Variants in TMEM161B observed in about 807,000 individuals in gnomAD.
The protein encoded by TMEM161B is transmembrane protein 161B.
In TMEM161B, 34 loss-of-function variants were observed where a neutral mutation model predicts 61.8. The ratio of observed to expected loss-of-function variants is 0.55; its 90% CI spans 0.42 to 0.73. The LOEUF is 0.73. TMEM161B is among the 30% of genes least tolerant of loss of function. TMEM161B has a pLI of 0.00. For missense variants in TMEM161B, 456 were observed against 558.5 expected (o/e 0.82, Z 1.85); for synonymous variants, 167 against 192.8 (o/e 0.87, Z 1.11).
At chr5:88,227,627 T>C (rs1405425674) in intron 3 of TMEM161B, among the ~76,000 whole-genome samples, 1 of 152,172 alleles carries the variant, frequency 6.6e-6, no homozygotes, top group Non-Finnish European at 1.5e-5. Flanking sequence ...TGCCAAATAA[T>C]CATTAATGTT....
At chr5:88,259,752 A>G (rs796951208) in intron 1 of TMEM161B, among the ~76,000 whole-genome samples, 43 of 152,362 alleles carry the variant, frequency 2.8e-4, no homozygotes, top group African/African-American at 1.0e-3. Context: ...CTTGAATACT[A>G]TAGAGATATA....
At chr5:88,189,860 T>C in exon 13 of TMEM161B, 1 of 569,304 alleles carries the variant, frequency 1.8e-6, no homozygotes, top group Non-Finnish European at 3.1e-6. Flanking sequence ...TTTCCTGACA[T>C]ACTTTCCCTA....
intron 1 of TMEM161B, among the ~76,000 whole-genome samples, chr5:88,250,340 C>T (rs914524955): frequency 3.9e-5 from 6 of 152,002 alleles, no homozygotes; most frequent in East Asian, 1.9e-4. Flanking sequence ...GGGGCCAAGA[C>T]GTGTTACAAA....
chr5:88,213,173 C>T (rs1204547047), intron 5 of TMEM161B, among the ~76,000 whole-genome samples: 3 of 152,126 alleles, frequency 2.0e-5, no homozygotes, highest in Non-Finnish European at 4.4e-5. Flanking sequence ...TCACATTCTA[C>T]ATTGCAAAGA....
At position 88,199,002 on chromosome 5, in the gene TMEM161B, T is replaced by C. The variant is rs775524809; in HGVS notation, c.1063A>G (p.Ile355Val). 1 of 1,612,946 alleles carries C rather than the reference T, an allele frequency of 6.2e-7. No homozygotes were observed. The highest frequency in any genetic ancestry group is 8.5e-7 in the Non-Finnish European group (1 of 1,179,408). ...ATTTTCTGTAGCTCAACCGTGCTTA[T>C]TCGCCCCGCTTCTTTCTTCATCTGA... The part of the protein sequence containing the change: ...VDQMKKEAGR[I>V]STVELQKMVA... Residue 355 changes from isoleucine (I) to valine (V), a missense_variant, in exon 10 of 12, where the codon ATA becomes GTA. By Grantham distance (29) the Ile-to-Val change is conservative. Coordinates refer to ENST00000296595, the MANE Select transcript of TMEM161B (RefSeq NM_153354.5).
chr5:88,240,677 T>C (rs1752578581), intron 2 of TMEM161B, 136 bp downstream of exon 2: 1 of 726,784 alleles, frequency 1.4e-6, no homozygotes, highest in African/African-American at 1.8e-5. Flanking sequence ...ATTAATTTTT[T>C]AAGAGAAATA....
chr5:88,264,286 C>T (rs751924359), intron 1 of TMEM161B, among the ~76,000 whole-genome samples: 2 of 152,046 alleles, frequency 1.3e-5, no homozygotes, highest in Non-Finnish European at 2.9e-5. Flanking sequence ...TATGAACAGA[C>T]ACTTCTCAAA....
At position 88,222,092 on chromosome 5, in the gene TMEM161B, T is replaced by C. The variant is rs980842928; in HGVS notation, c.290-1373A>G. Reference sequence around the variant, plus strand: ...ATCTGCTTCAACGTACTTTAACTTTTAGGTTAACTGCTTTAGGTTTTCTGA... The same window carrying C: ...ATCTGCTTCAACGTACTTTAACTTTCAGGTTAACTGCTTTAGGTTTTCTGA... On this transcript the variant is annotated intron_variant, in intron 4 of 11. Coordinates refer to ENST00000296595, the MANE Select transcript of TMEM161B (RefSeq NM_153354.5). Among the ~76,000 whole-genome samples the C allele has an allele frequency of 6.6e-5, 10 of 152,196 alleles. 1 individual carries two copies. Among genetic ancestry groups the C allele is most frequent in the Admixed American group, 1.3e-4 (2 of 15,278 alleles).
chr5:88,220,636 A>G lies in TMEM161B; in HGVS notation c.373T>C (p.Tyr125His). The G allele has an allele frequency of 3.2e-6, 5 of 1,541,320 alleles. No homozygotes were observed. The highest frequency in any genetic ancestry group is 4.4e-6 in the Non-Finnish European group (5 of 1,137,062). Residue 125 changes from tyrosine to histidine, a missense_variant, in exon 5 of 12, where the codon TAC becomes CAC. This residue lies in a region of TMEM161B where 367 missense variants were observed against 427.3 expected (regional missense o/e 0.86). Coordinates refer to ENST00000296595, the MANE Select transcript of TMEM161B (RefSeq NM_153354.5). ...TVVYLVTEVY[Y>H]NFMKPTQEMN... Reference sequence around the variant, plus strand: ...TCCTGTGTAGGCTTCATAAAATTGTAGTAGACTTCAGTTACTAGATACACA... The same window carrying G: ...TCCTGTGTAGGCTTCATAAAATTGTGGTAGACTTCAGTTACTAGATACACA...
At chr5:88,218,326 A>G (rs935638363) in intron 5 of TMEM161B, among the ~76,000 whole-genome samples, 1 of 152,160 alleles carries the variant, frequency 6.6e-6, no homozygotes, top group African/African-American at 2.4e-5. Context: ...ATAATTCAAA[A>G]CAATTTTCTA....
chr5:88,214,141 T>C (rs1747383195), intron 5 of TMEM161B, among the ~76,000 whole-genome samples: 1 of 152,212 alleles, frequency 6.6e-6, no homozygotes, highest in South Asian at 2.1e-4. Flanking sequence ...AACCTTAAAA[T>C]TTATTTTAAC....
chr5:88,212,577 T>C (rs192677473), intron 5 of TMEM161B, among the ~76,000 whole-genome samples: 4 of 152,286 alleles, frequency 2.6e-5, no homozygotes, highest in Admixed American at 6.5e-5. Context: ...CCTGTAATCC[T>C]AGCACCTTGT....
chr5:88,230,675 A>G (rs1222729173), intron 2 of TMEM161B, among the ~76,000 whole-genome samples: 1 of 152,136 alleles, frequency 6.6e-6, no homozygotes, highest in Non-Finnish European at 1.5e-5. Flanking sequence ...TCTCCTTGTG[A>G]ACACCTATGC....
chr5:88,190,020 C>G, exon 13 of TMEM161B: 1 of 699,838 alleles, frequency 1.4e-6, no homozygotes, highest in Non-Finnish European at 2.6e-6. Flanking sequence ...TGAGCCGATC[C>G]GTAAGGGCAG....
rs201607432 is a variant in TMEM161B at position 88,268,754 on chromosome 5, C to G, written c.-31G>C. ...CTAGGATAGGTCGTGGACCAGACAC[C>G]CTGGAGTTGCCGGGGCAGTCCCAAA... On this transcript the variant is annotated 5_prime_UTR_variant, in exon 1 of 12. Transcript: ENST00000296595. 7 of 1,614,030 alleles carry G rather than the reference C, an allele frequency of 4.3e-6. No individual in the cohort carries two copies. Among genetic ancestry groups the G allele is most frequent in the Non-Finnish European group, 5.1e-6 (6 of 1,179,946 alleles).
intron 8 of TMEM161B, 102 bp downstream of exon 8, chr5:88,205,712 A>T: frequency 7.4e-7 from 1 of 1,356,058 alleles, no homozygotes; most frequent in Non-Finnish European, 1.0e-6. Flanking sequence ...ATGGTTATTA[A>T]TTTTCAATAC....
Position 88,260,609 on chromosome 5 carries a change from G to A in TMEM161B, c.3+8112C>T, listed in dbSNP as rs151002749. Among the ~76,000 whole-genome samples the A allele has an allele frequency of 3.2e-4, 48 of 152,128 alleles. No individual in the cohort carries two copies. The East Asian group carries it at 7.9e-3, about 25-fold the overall frequency. ...TGGAACTACAGGTGCTTGCCAGCAC[G>A]CCTCACTAATTTTTAAAACCTTTTG... On this transcript the variant is annotated intron_variant, in intron 1 of 11. Coordinates refer to ENST00000296595, the MANE Select transcript of TMEM161B (RefSeq NM_153354.5).
At chr5:88,225,498 C>G (rs766689999) in intron 4 of TMEM161B, among the ~76,000 whole-genome samples, 5 of 152,046 alleles carry the variant, frequency 3.3e-5, no homozygotes. Context: ...GTCTAGAATT[C>G]TAGATAATAA....
intron 5 of TMEM161B, among the ~76,000 whole-genome samples, chr5:88,217,266 T>G (rs78324827): frequency 6.6e-6 from 1 of 151,968 alleles, no homozygotes; most frequent in Non-Finnish European, 1.5e-5. Flanking sequence ...CTAAAAAAAA[T>G]TTTTTTAAAG....
Sources: gnomAD v4.1 joint callset for allele counts (sites outside exome capture counted in the v4.1 genomes callset) on GRCh38, gnomAD v4.1.1 for gene constraint, gnomAD v4.1.1 regional missense constraint, MANE v1.5 for transcripts, NCBI Gene and HGNC (gene_info 2026-07-23, HGNC 2026-07-21) for gene names.